The following RAB7A variants were observed in gnomAD, a reference collection of about 807,000 sequenced individuals.
RAB7A encodes the protein RAB7A, member RAS oncogene family, also known as ras-related protein Rab-7a.
In RAB7A, 2 loss-of-function variants were observed where a neutral mutation model predicts 24.5. That is an observed-to-expected ratio of 0.08 (90% CI 0.03 to 0.26). The LOEUF (loss-of-function observed/expected upper bound fraction) is 0.26. RAB7A is among the 10% of genes least tolerant of loss of function. The pLI, the probability that RAB7A is intolerant of heterozygous loss-of-function variation, is 1.00. For missense variants in RAB7A, 118 were observed against 255.7 expected (o/e 0.46, Z 3.67); for synonymous variants, 100 against 95.9 (o/e 1.04, Z -0.25).
At chr3:128,788,926 A>G (rs1291126108) in intron 1 of RAB7A, among the ~76,000 whole-genome samples, 3 of 152,172 alleles carry the variant, frequency 2.0e-5, no homozygotes, top group African/African-American at 7.2e-5. Context: ...GAAGAAGGTG[A>G]TGACTGCAGG....
intron 1 of RAB7A, among the ~76,000 whole-genome samples, chr3:128,779,242 C>T (rs907362357): frequency 1.3e-5 from 2 of 151,964 alleles, no homozygotes; most frequent in South Asian, 2.1e-4. Context: ...GGTGAAACCC[C>T]GTCTCTACTA....
At chr3:128,750,054 G>A (rs1399158777) in intron 1 of RAB7A, among the ~76,000 whole-genome samples, 1 of 152,162 alleles carries the variant, frequency 6.6e-6, no homozygotes, top group Non-Finnish European at 1.5e-5. Context: ...CTTGTTGAAT[G>A]GCTCTGACCA....
chr3:128,765,165 G>A (rs528896782), intron 1 of RAB7A: 23 of 697,496 alleles, frequency 3.3e-5, no homozygotes, highest in South Asian at 1.3e-4. Context: ...GCTGGGTTCC[G>A]TCCAAGCACT....
At chr3:128,741,365 C>T (rs2070552024) in intron 1 of RAB7A, among the ~76,000 whole-genome samples, 1 of 152,090 alleles carries the variant, frequency 6.6e-6, no homozygotes. Flanking sequence ...ACCCCCAGGA[C>T]AATAAAAACA....
intron 1 of RAB7A, among the ~76,000 whole-genome samples, chr3:128,752,363 T>C (rs561894032): frequency 2.1e-5 from 3 of 145,692 alleles, no homozygotes; most frequent in South Asian, 2.1e-4. Context: ...GAAGAAGATA[T>C]AAGAATTTAA....
At chr3:128,743,011 G>A (rs1450998531) in intron 1 of RAB7A, among the ~76,000 whole-genome samples, 1 of 152,202 alleles carries the variant, frequency 6.6e-6, no homozygotes, top group Non-Finnish European at 1.5e-5. Context: ...GGCTTCACGG[G>A]AGCCCACCGC....
chr3:128,773,450 C>A (rs577344735), intron 1 of RAB7A, among the ~76,000 whole-genome samples: 2 of 145,098 alleles, frequency 1.4e-5, no homozygotes, highest in Middle Eastern at 3.6e-3. Flanking sequence ...CCCGGCCAGC[C>A]GCCCCGTCCG....
At chr3:128,807,823 T>A in intron 5 of RAB7A, 152 bp downstream of exon 5, 1 of 1,205,374 alleles carries the variant, frequency 8.3e-7, no homozygotes, top group East Asian at 2.5e-5. Context: ...GGTTATGACA[T>A]GTTCTGCTTA....
At chr3:128,745,125 C>A (rs1431375669) in intron 1 of RAB7A, among the ~76,000 whole-genome samples, 3 of 151,982 alleles carry the variant, frequency 2.0e-5, no homozygotes, top group Non-Finnish European at 4.4e-5. Context: ...CCACCCGTCT[C>A]GGCCTCCCAA....
intron 1 of RAB7A, among the ~76,000 whole-genome samples, chr3:128,786,003 GCCATCCACTCATCCCCTT>G (rs1933329872): frequency 6.6e-6 from 1 of 152,140 alleles, no homozygotes; most frequent in Admixed American, 6.6e-5. Flanking sequence ...CTTGGCCAGA[GCCATCCACTCATCCCCTT>G]CCTTCTTCCT....
chr3:128,807,533 C>T lies in RAB7A; in HGVS notation c.400-10C>T, dbSNP rs756353516. 7 of 1,613,828 alleles carry T rather than the reference C, an allele frequency of 4.3e-6. No homozygotes were observed. In the Admixed American group the frequency reaches 1.2e-4, roughly 27 times the overall value. ...TCATGAGCCTATGTGCACCCTGCTTCTTCTTTCAGGTGGCCACAAAGCGGG... is the reference window on the plus strand; with the variant it reads ...TCATGAGCCTATGTGCACCCTGCTTTTTCTTTCAGGTGGCCACAAAGCGGG... On this transcript the variant is annotated splice_polypyrimidine_tract_variant and intron_variant, in intron 4 of 5. Coordinates refer to ENST00000265062, the MANE Select transcript of RAB7A (RefSeq NM_004637.6).
intron 1 of RAB7A, among the ~76,000 whole-genome samples, chr3:128,792,690 G>C (rs1933482450): frequency 6.6e-6 from 1 of 150,556 alleles, no homozygotes; most frequent in Admixed American, 6.6e-5. Flanking sequence ...TTACAGGTGT[G>C]AGCCACCACA....
chr3:128,733,497 A>T (rs937042345), intron 1 of RAB7A, among the ~76,000 whole-genome samples: 4 of 152,224 alleles, frequency 2.6e-5, no homozygotes, highest in Non-Finnish European at 5.9e-5. Flanking sequence ...CAAGTATCAC[A>T]GATAGAGTGG....
chr3:128,770,647 G>T (rs917058096), intron 1 of RAB7A, among the ~76,000 whole-genome samples: 1 of 152,154 alleles, frequency 6.6e-6, no homozygotes, highest in African/African-American at 2.4e-5. Flanking sequence ...ATGTGTGAAT[G>T]CCCCTCATGA....
chr3:128,737,954 GA>G (rs1460367136), intron 1 of RAB7A, among the ~76,000 whole-genome samples: 2 of 147,392 alleles, frequency 1.4e-5, no homozygotes, highest in Non-Finnish European at 3.0e-5. Context: ...AGGATTACAG[GA>G]ATGAATCACC....
At chr3:128,783,693 C>G (rs186554676) in intron 1 of RAB7A, among the ~76,000 whole-genome samples, 3 of 152,200 alleles carry the variant, frequency 2.0e-5, no homozygotes, top group South Asian at 2.1e-4. Flanking sequence ...GCGCCACCCC[C>G]CTGATGCTTA....
chr3:128,742,518 A>G (rs1018988474), intron 1 of RAB7A, among the ~76,000 whole-genome samples: 5 of 152,142 alleles, frequency 3.3e-5, no homozygotes, highest in African/African-American at 1.2e-4. Context: ...TGGTGTGTTT[A>G]TAATCCCTGA....
intron 5 of RAB7A, among the ~76,000 whole-genome samples, chr3:128,809,095 G>A (rs1933863555): frequency 1.3e-5 from 2 of 152,206 alleles, no homozygotes; most frequent in Admixed American, 1.3e-4. Context: ...CCAAATATGT[G>A]TAGGAAAGTG....
chr3:128,764,707 G>A (rs2070811438), intron 1 of RAB7A: 2 of 806,284 alleles, frequency 2.5e-6, no homozygotes, highest in Non-Finnish European at 2.2e-6. Context: ...CAAATGTGAT[G>A]CACACTCCAT....
Sources: gnomAD v4.1 joint callset for allele counts (sites outside exome capture counted in the v4.1 genomes callset) on GRCh38, gnomAD v4.1.1 for gene constraint, MANE v1.5 for transcripts, NCBI Gene and HGNC (gene_info 2026-07-23, HGNC 2026-07-21) for gene names.